The following MCF2L variants were observed in gnomAD, a reference collection of about 807,000 sequenced individuals.
The protein encoded by MCF2L is guanine nucleotide exchange factor DBS.
A neutral mutation model predicts 153.4 loss-of-function variants in MCF2L; 97 were observed. The observed-to-expected ratio is 0.63, with a 90% CI of 0.54 to 0.75. The LOEUF (loss-of-function observed/expected upper bound fraction) is 0.75. Among genes scored for constraint, MCF2L ranks in the 30% least tolerant of loss-of-function variants. The pLI, the probability that MCF2L is intolerant of heterozygous loss-of-function variation, is 0.00. For missense variants in MCF2L, 1,347 were observed against 1,495.2 expected (o/e 0.90, Z 1.64); for synonymous variants, 659 against 632.2 (o/e 1.04, Z -0.64).
chr13:112,900,433 C>A (rs1337365140), intron 1 of MCF2L, among the ~76,000 whole-genome samples: 1 of 152,162 alleles, frequency 6.6e-6, no homozygotes, highest in East Asian at 1.9e-4. Flanking sequence ...ACACGCCACA[C>A]GTAAACAAAA....
upstream of MCF2L, among the ~76,000 whole-genome samples, chr13:112,964,678 A>G (rs2081871780): frequency 6.6e-6 from 1 of 152,232 alleles, no homozygotes; most frequent in Admixed American, 6.5e-5. Flanking sequence ...AAAATTTGAA[A>G]CACACATCCC....
Position 112,943,888 on chromosome 13 carries a change from TGA to T in MCF2L, c.169+41521_169+41522del, listed in dbSNP as rs1346521617. Among the ~76,000 whole-genome samples the T allele has an allele frequency of 6.7e-6, 1 of 150,242 alleles. No homozygotes were observed. The highest frequency in any genetic ancestry group is 1.5e-5 in the Non-Finnish European group (1 of 67,708). On this transcript the variant is annotated intron_variant, in intron 2 of 29. Transcript: ENST00000375608. The surrounding 1 kb of genome is among the most constrained non-coding windows in gnomAD (Gnocchi z 4.2). ...CAGCGCGGCCCCGAGAACTGAGAAC[TGA>T]GAGGGAGACGCTCTCGGGCCTCTCA...
At chr13:112,933,368 ACCAGCCCTGCATCTGCTCTC>A (rs1283793068) in intron 2 of MCF2L, among the ~76,000 whole-genome samples, 1 of 152,184 alleles carries the variant, frequency 6.6e-6, no homozygotes, top group African/African-American at 2.4e-5. Context: ...GTGTTCTGTC[ACCAGCCCTGCATCTGCTCTC>A]CCAGCCCTGG....
At chr13:112,958,556 C>A (rs1173003482) in intron 2 of MCF2L, among the ~76,000 whole-genome samples, 2 of 152,232 alleles carry the variant, frequency 1.3e-5, no homozygotes, top group East Asian at 3.9e-4. Flanking sequence ...TGACCCCTGA[C>A]CCACCAAAGA....
chr13:113,024,701 G>A lies in MCF2L; in HGVS notation c.221G>A (p.Ser74Asn), dbSNP rs763450173. 2.5e-6 allele frequency: 4 copies of A among 1,614,228 alleles called. No homozygotes were observed. The East Asian group carries it at 8.9e-5, about 36-fold the overall frequency. ...VITFPDYPAFSEIPDKEFQNV... is the reference protein window; with the variant it reads ...VITFPDYPAFNEIPDKEFQNV... The stretch of plus-strand genomic sequence containing the variant: ...ACCTTCCCTGACTACCCGGCCTTCA[G>A]CGAGATTCCGGACAAGGAGTTCCAG... Residue 74 changes from serine (S) to asparagine (N), a missense_variant, in exon 3 of 30, where the codon AGC (serine) becomes AAC (asparagine). Physicochemically the swap from Ser to Asn is conservative, Grantham distance 46. Around this residue, in one of 3 missense-constraint regions of MCF2L, gnomAD observed 820 missense variants for 921.2 expected, o/e 0.89. Transcript: ENST00000535094.
chr13:112,962,381 G>T (rs1384092044), intron 2 of MCF2L, among the ~76,000 whole-genome samples: 1 of 152,216 alleles, frequency 6.6e-6, no homozygotes, highest in African/African-American at 2.4e-5. Flanking sequence ...TAGTGAGGTG[G>T]TGCTGTCTCC....
At chr13:113,092,558 G>A (rs773703041) in intron 26 of MCF2L, among the ~76,000 whole-genome samples, 58 of 152,226 alleles carry the variant, frequency 3.8e-4, no homozygotes, top group Non-Finnish European at 5.7e-4. Context: ...TGGCCTGAGC[G>A]CTGCCCAGCA....
At chr13:113,090,993 A>G in intron 26 of MCF2L, 2 of 1,235,950 alleles carry the variant, frequency 1.6e-6, no homozygotes, top group Non-Finnish European at 2.1e-6. Flanking sequence ...CTCCTTTTTC[A>G]TCGGTGGAAA....
chr13:112,912,093 T>G (rs1210764268), intron 2 of MCF2L, among the ~76,000 whole-genome samples: 3 of 152,168 alleles, frequency 2.0e-5, no homozygotes, highest in Non-Finnish European at 2.9e-5. Flanking sequence ...TCTGTGAAGT[T>G]TCCCATCCCC....
chr13:112,912,629 A>G (rs976035337), intron 2 of MCF2L, among the ~76,000 whole-genome samples: 10 of 152,166 alleles, frequency 6.6e-5, no homozygotes, highest in African/African-American at 2.4e-4. Context: ...ATTTATTCTT[A>G]AGAGCTGCAA....
In MCF2L at chr13:113,070,237, C is replaced by T. The variant is rs1315503377; in HGVS notation, c.996+64C>T. Reference sequence around the variant, plus strand: ...CTCACGGGGCCTCCTGTGCCTGCGCCCTGGTCCCAGTGCCGGGAGCTGAGC... The same window carrying T: ...CTCACGGGGCCTCCTGTGCCTGCGCTCTGGTCCCAGTGCCGGGAGCTGAGC... On this transcript the variant is annotated intron_variant, in intron 9 of 29. Coordinates refer to ENST00000535094, the MANE Select transcript of MCF2L (RefSeq NM_001112732.3). The surrounding 1 kb of genome is among the most constrained non-coding windows in gnomAD (Gnocchi z 5.6). 5 of 1,173,380 alleles carry T rather than the reference C, an allele frequency of 4.3e-6. No homozygotes were observed. The highest frequency in any genetic ancestry group is 4.7e-6 in the Non-Finnish European group (4 of 850,130). The allele number at this position is 1,173,380 out of a possible 1,614,324, so 72.7% of individuals were successfully genotyped here.
intron 1 of MCF2L, among the ~76,000 whole-genome samples, chr13:112,898,068 C>T (rs993503629): frequency 1.4e-4 from 21 of 152,226 alleles, no homozygotes; most frequent in African/African-American, 3.9e-4. Context: ...GTCCTAGGGC[C>T]GCCGCCCCCA....
At chr13:112,894,659 T>TG (rs1249403391) in intron 1 of MCF2L, among the ~76,000 whole-genome samples, 2 of 151,872 alleles carry the variant, frequency 1.3e-5, no homozygotes, top group Non-Finnish European at 2.9e-5. Context: ...TCGAGGCGCC[T>TG]GGGGGGCTCG....
In MCF2L at chr13:112,932,860, G is replaced by A. The variant is rs188626364; in HGVS notation, c.169+30489G>A. 1.2e-4 allele frequency among the ~76,000 whole-genome samples: 19 copies of A among 152,106 alleles called. No homozygotes were observed. The East Asian group carries it at 1.4e-3, about 11-fold the overall frequency. ...AGCCTGGCCAACATGGTGAAACCCC[G>A]TCTCTACTAAAAATACAAAAATTAG... On this transcript the variant is annotated intron_variant, in intron 2 of 29. Transcript: ENST00000375608. The surrounding 1 kb of genome is among the most constrained non-coding windows in gnomAD (Gnocchi z 4.6).
At position 113,027,736 on chromosome 13, in the gene MCF2L, C is replaced by T. The variant is rs2141326126; in HGVS notation, c.278+2978C>T. 6.6e-6 allele frequency among the ~76,000 whole-genome samples: 1 copy of T among 152,310 alleles called. No homozygotes were observed. The highest frequency in any genetic ancestry group is 1.9e-4 in the East Asian group (1 of 5,166). On this transcript the variant is annotated intron_variant, in intron 3 of 29. Transcript: ENST00000535094. This position sits in a 1 kb window ranked among gnomAD's most constrained non-coding sequence, Gnocchi z 4.8. ...TCCCTGGTTCTCAGCCACACTGTGGCAGGAAGGCAGTTATTAAGCCCATGT... is the reference window on the plus strand; with the variant it reads ...TCCCTGGTTCTCAGCCACACTGTGGTAGGAAGGCAGTTATTAAGCCCATGT...
In MCF2L at chr13:112,979,689, C is replaced by T. The variant is rs778569132; in HGVS notation, c.79+10231C>T. The T allele has an allele frequency of 1.8e-5, 29 of 1,612,952 alleles. No individual in the cohort carries two copies. In the South Asian group the frequency reaches 2.3e-4, roughly 13 times the overall value. ...TTCGATGGCCGAGAAGGGAGCATCCCGGGGAACCCTGCGGCGGCTGTGGTC... is the reference window on the plus strand; with the variant it reads ...TTCGATGGCCGAGAAGGGAGCATCCTGGGGAACCCTGCGGCGGCTGTGGTC... On this transcript the variant is annotated intron_variant, in intron 1 of 29. Transcript: ENST00000535094.
intron 5 of MCF2L, among the ~76,000 whole-genome samples, chr13:113,061,088 C>A (rs57416248): frequency 0.031 from 4,696 of 152,270 alleles, 150 homozygotes; most frequent in East Asian, 0.18. Flanking sequence ...CCAGGCCCTG[C>A]CTGCACCCCA....
At chr13:113,024,521 C>A in intron 2 of MCF2L, 123 bp from the exon 3 acceptor site, 1 of 625,940 alleles carries the variant, frequency 1.6e-6, no homozygotes, top group Non-Finnish European at 2.9e-6. Context: ...AATTATGCAA[C>A]GATGAAGAAC....
chr13:113,084,324 T>A (rs3831029), intron 18 of MCF2L, among the ~76,000 whole-genome samples: 39 of 146,272 alleles, frequency 2.7e-4, no homozygotes, highest in South Asian at 2.2e-4. Flanking sequence ...GGACCTCCTG[T>A]ACCCCAGAAC....
Sources: allele counts gnomAD v4.1 joint callset (sites outside exome capture counted in the v4.1 genomes callset), GRCh38; gene constraint gnomAD v4.1.1; regional missense constraint gnomAD v4.1.1; non-coding constraint Gnocchi (gnomAD v3.1); transcripts MANE v1.5; gene names NCBI Gene and HGNC (gene_info 2026-07-23, HGNC 2026-07-21).